DSG2: variants seen among roughly 807,000 people sequenced by gnomAD.
DSG2 encodes the protein desmoglein-2.
DSG2 carries 45 observed loss-of-function variants against 75.6 expected under a neutral mutation model. That is an observed-to-expected ratio of 0.60 (90% confidence interval 0.47 to 0.76). The LOEUF (loss-of-function observed/expected upper bound fraction) is 0.76, where lower values mean the gene tolerates loss of function less well. DSG2 is among the 30% of genes least tolerant of loss of function. The pLI, the probability that DSG2 is intolerant of heterozygous loss-of-function variation, is 0.00. For synonymous variants in DSG2, 429 were observed against 483.9 expected, an observed-to-expected ratio of 0.89 and a Z score of 1.49; for missense variants, 1,267 against 1,357.4, an observed-to-expected ratio of 0.93 and a Z score of 1.05.
intron 11 of DSG2, among the ~76,000 whole-genome samples, chr18:31,537,720 G>A (rs2073239985): frequency 6.6e-6 from 1 of 151,948 alleles, no homozygotes; most frequent in Admixed American, 6.6e-5. Context: ...ATAACAAGTT[G>A]AAGCCGGGCA....
intron 1 of DSG2, among the ~76,000 whole-genome samples, chr18:31,501,562 A>C (rs115500955): frequency 3.9e-5 from 6 of 152,050 alleles, no homozygotes; most frequent in African/African-American, 1.5e-4. Flanking sequence ...CCAAGTGCAT[A>C]CTGGTTTGTT....
At position 31,546,602 on chromosome 18, in the gene DSG2, G is replaced by A. The variant is rs1289097014; in HGVS notation, c.3216G>A (p.Arg1072=). 2 of 1,614,038 alleles carry A rather than the reference G, an allele frequency of 1.2e-6. No homozygotes were observed. Among genetic ancestry groups the A allele is most frequent in the Non-Finnish European group, 1.7e-6 (2 of 1,180,022 alleles). Residue 1072 remains arginine (R), a synonymous_variant, in exon 15 of 15, where the codon AGG becomes AGA. Transcript: ENST00000261590. ...CCACTGAAAATTCTATGACGGCTAG[G>A]AACACCACGGTGTCTGGAGCTGGAG... ...QIPTENSMTA[R]NTTVSGAGVP...
In DSG2 at chr18:31,542,805, G is replaced by A. The variant is rs754351622; in HGVS notation, c.2287G>A (p.Ala763Thr). 6.2e-7 allele frequency: 1 copy of A among 1,600,418 alleles called. No individual in the cohort carries two copies. The highest frequency in any genetic ancestry group is 2.2e-5 in the East Asian group (1 of 44,626). Residue 763 changes from alanine (A) to threonine (T), a missense_variant, in exon 14 of 15, where the codon GCT (alanine) becomes ACT (threonine). Physicochemically the swap from Ala to Thr is moderately conservative, Grantham distance 58. Transcript: ENST00000261590. ...ASRDMAGAQA[A>T]AVALNEEFLR... ...CAGAGACATGGCCGGAGCTCAGGCA[G>A]CTGCTGTTGCACTGAACGAAGAATT...
intron 12 of DSG2, among the ~76,000 whole-genome samples, chr18:31,540,375 G>C (rs949127386): frequency 6.6e-6 from 1 of 152,180 alleles, no homozygotes; most frequent in Non-Finnish European, 1.5e-5. Flanking sequence ...TAAATGACTT[G>C]TCTCAGCTTA....
intron 14 of DSG2, among the ~76,000 whole-genome samples, chr18:31,544,117 C>T (rs909371329): frequency 5.9e-5 from 9 of 151,916 alleles, no homozygotes; most frequent in African/African-American, 1.9e-4. Flanking sequence ...AATGAAAGAA[C>T]AAGTGACAGA....
intron 9 of DSG2, among the ~76,000 whole-genome samples, chr18:31,534,897 C>T (rs1263502759): frequency 6.6e-6 from 1 of 152,214 alleles, no homozygotes; most frequent in Non-Finnish European, 1.5e-5. Context: ...CTCTTCTCCA[C>T]CAGTGCTTAT....
chr18:31,509,637 T>C (rs2073056409), intron 1 of DSG2, among the ~76,000 whole-genome samples: 1 of 152,168 alleles, frequency 6.6e-6, no homozygotes, highest in South Asian at 2.1e-4. Context: ...CAAAATAAGA[T>C]TAAGAAGAGA....
intron 1 of DSG2, among the ~76,000 whole-genome samples, chr18:31,510,167 CTGTGTT>C (rs1414920386): frequency 6.6e-6 from 1 of 152,242 alleles, no homozygotes; most frequent in Non-Finnish European, 1.5e-5. Flanking sequence ...GCCACGTCCT[CTGTGTT>C]TGAGTTCTAA....
At chr18:31,520,566 A>C (rs1380977830) in intron 3 of DSG2, among the ~76,000 whole-genome samples, 1 of 152,168 alleles carries the variant, frequency 6.6e-6, no homozygotes, top group Non-Finnish European at 1.5e-5. Context: ...ACACACTATC[A>C]GTTCTATTCC....
At chr18:31,503,883 G>T (rs1162617036) in intron 1 of DSG2, among the ~76,000 whole-genome samples, 8 of 152,184 alleles carry the variant, frequency 5.3e-5, no homozygotes, top group African/African-American at 1.9e-4. Context: ...GTCCAGGGAT[G>T]CTAAGACTCT....
intron 1 of DSG2, among the ~76,000 whole-genome samples, chr18:31,508,145 G>T (rs151181003): frequency 0.01 from 1,568 of 152,114 alleles, 26 homozygotes; most frequent in African/African-American, 0.03. Context: ...TTCTGCATGT[G>T]GCTAGCCAGT....
Position 31,541,306 on chromosome 18 carries a change from G to A in DSG2, c.1993G>A (p.Glu665Lys). 1.2e-6 allele frequency: 2 copies of A among 1,614,034 alleles called. No homozygotes were observed. Among genetic ancestry groups the A allele is most frequent in the East Asian group, 2.2e-5 (1 of 44,864 alleles). ...HPWNNEGAPPEDKVVPSFLPV... is the reference protein window; with the variant it reads ...HPWNNEGAPPKDKVVPSFLPV... ...TTGGAATAATGAAGGAGCACCACCT[G>A]AAGACAAGGTCAGTGGATCAGATGT... Residue 665 changes from glutamate to lysine, a missense_variant, in exon 13 of 15, where the codon GAA becomes AAA. Glu to Lys is a moderately conservative substitution (Grantham distance 56). Transcript: ENST00000261590.
intron 1 of DSG2, among the ~76,000 whole-genome samples, chr18:31,518,030 T>G (rs1346959895): frequency 6.6e-6 from 1 of 152,192 alleles, no homozygotes; most frequent in Non-Finnish European, 1.5e-5. Context: ...GGAGTCAGTA[T>G]GGATCCAGGA....
intron 11 of DSG2, 135 bp from the exon 12 acceptor site, chr18:31,538,616 A>G: frequency 1.2e-6 from 1 of 813,124 alleles, no homozygotes; most frequent in Non-Finnish European, 2.1e-6. Flanking sequence ...AGCACACTTC[A>G]ATAAGTGAAG....
intron 14 of DSG2, 77 bp downstream of exon 14, chr18:31,542,929 T>G: frequency 1.9e-6 from 2 of 1,055,696 alleles, no homozygotes; most frequent in Non-Finnish European, 1.3e-6. Context: ...ATTAGGGTAA[T>G]CATTGCCTTG....
chr18:31,508,257 A>G (rs974076043), intron 1 of DSG2, among the ~76,000 whole-genome samples: 4 of 152,190 alleles, frequency 2.6e-5, no homozygotes, highest in Non-Finnish European at 5.9e-5. Flanking sequence ...AACACTACCT[A>G]AAGTGTTTTC....
chr18:31,520,680 A>G, intron 3 of DSG2, 123 bp from the exon 4 acceptor site: 1 of 1,052,888 alleles, frequency 9.5e-7, no homozygotes, highest in Non-Finnish European at 1.4e-6. Flanking sequence ...TTCAGAAGGA[A>G]ATTGTCCATA....
chr18:31,524,343 G>C, intron 6 of DSG2, 105 bp from the exon 7 acceptor site: 1 of 1,459,008 alleles, frequency 6.9e-7, no homozygotes, highest in Non-Finnish European at 9.5e-7. Context: ...AAACAGATTT[G>C]TAAATAAAAT....
At chr18:31,543,431 T>C (rs78035166) in intron 14 of DSG2, 3 of 152,394 alleles carry the variant, frequency 2.0e-5, no homozygotes, top group African/African-American at 7.2e-5. Flanking sequence ...ATTTAAATTT[T>C]ACCTTCTGTA....
Sources: gnomAD v4.1 joint callset for allele counts (sites outside exome capture counted in the v4.1 genomes callset) on GRCh38, gnomAD v4.1.1 for gene constraint, MANE v1.5 for transcripts, NCBI Gene and HGNC (gene_info 2026-07-23, HGNC 2026-07-21) for gene names.